Variants in SIL1 observed in about 807,000 individuals in gnomAD.
The protein encoded by SIL1 is SIL1 nucleotide exchange factor.
A neutral mutation model predicts 49.1 loss-of-function variants in SIL1; 40 were observed. The ratio of observed to expected loss-of-function variants is 0.81; its 90% confidence interval spans 0.63 to 1.06. SIL1 has a LOEUF of 1.06. Ranked by LOEUF, SIL1 falls within the 50% of genes least tolerant of loss-of-function variation. The pLI, the probability that SIL1 is intolerant of heterozygous loss-of-function variation, is 0.00. For synonymous variants in SIL1, 253 were observed against 250.8 expected (o/e 1.01, Z -0.08); for missense variants, 500 against 572.6 (o/e 0.87, Z 1.29).
chr5:139,032,133 T>C (rs1308077184), intron 5 of SIL1, among the ~76,000 whole-genome samples: 1 of 152,164 alleles, frequency 6.6e-6, no homozygotes, highest in Non-Finnish European at 1.5e-5. Flanking sequence ...GTGGTAAGAG[T>C]GAACATCCTT....
intron 7 of SIL1, among the ~76,000 whole-genome samples, chr5:138,992,990 A>G (rs1767789688): frequency 6.6e-6 from 1 of 152,242 alleles, no homozygotes; most frequent in African/African-American, 2.4e-5. Flanking sequence ...CTGAGATGGA[A>G]GCTGCTAGTG....
intron 1 of SIL1, among the ~76,000 whole-genome samples, chr5:139,181,517 C>T (rs1332286356): frequency 6.6e-6 from 1 of 152,240 alleles, no homozygotes; most frequent in Non-Finnish European, 1.5e-5. Context: ...TGCATTCCTC[C>T]ACTGGGAGTT....
intron 1 of SIL1, among the ~76,000 whole-genome samples, chr5:139,161,711 G>A (rs750203229): frequency 3.3e-5 from 5 of 151,998 alleles, no homozygotes; most frequent in Admixed American, 1.3e-4. Flanking sequence ...CACTTCCCTA[G>A]AAAAGCAAAG....
At chr5:139,096,548 T>G (rs1770470893) in intron 3 of SIL1, among the ~76,000 whole-genome samples, 1 of 151,290 alleles carries the variant, frequency 6.6e-6, no homozygotes, top group African/African-American at 2.4e-5. Context: ...AAGAGGCCCC[T>G]TCCTTCTGCT....
intron 2 of SIL1, among the ~76,000 whole-genome samples, chr5:139,123,272 G>A (rs1750685769): frequency 6.6e-6 from 1 of 152,234 alleles, no homozygotes; most frequent in Non-Finnish European, 1.5e-5. Flanking sequence ...TGAGACTACA[G>A]AGAAGACTGA....
chr5:139,030,949 T>C (rs1262612174), intron 5 of SIL1, among the ~76,000 whole-genome samples: 5 of 152,218 alleles, frequency 3.3e-5, no homozygotes, highest in Non-Finnish European at 7.4e-5. Flanking sequence ...AATCATAATT[T>C]TTCCCTTGAT....
chr5:139,056,088 G>A (rs1405057008), intron 3 of SIL1, among the ~76,000 whole-genome samples: 3 of 151,520 alleles, frequency 2.0e-5, no homozygotes, highest in Non-Finnish European at 2.9e-5. Flanking sequence ...CTGCCCGGCC[G>A]CCACCCCGTC....
intron 1 of SIL1, among the ~76,000 whole-genome samples, chr5:139,133,743 C>T (rs1011170974): frequency 6.6e-6 from 1 of 152,212 alleles, no homozygotes; most frequent in Non-Finnish European, 1.5e-5. Context: ...TTATAAAATG[C>T]TCATGTTATT....
chr5:139,109,928 T>C (rs902267402), intron 3 of SIL1, among the ~76,000 whole-genome samples: 10 of 151,802 alleles, frequency 6.6e-5, no homozygotes, highest in African/African-American at 2.4e-4. Flanking sequence ...CTCAGCACTT[T>C]GGGAGGACAA....
intron 3 of SIL1, among the ~76,000 whole-genome samples, chr5:139,055,932 C>G (rs1342641718): frequency 2.6e-5 from 4 of 152,186 alleles, no homozygotes; most frequent in African/African-American, 9.6e-5. Context: ...CTCGACCTCC[C>G]GAAGTGCCGG....
At chr5:139,133,953 G>T (rs770529754) in intron 1 of SIL1, among the ~76,000 whole-genome samples, 1 of 152,176 alleles carries the variant, frequency 6.6e-6, no homozygotes, top group Admixed American at 6.6e-5. Context: ...TCCTAGCTAT[G>T]TGATCTTGGA....
At chr5:139,128,697 C>T (rs1469088862) in intron 1 of SIL1, among the ~76,000 whole-genome samples, 2 of 151,898 alleles carry the variant, frequency 1.3e-5, no homozygotes, top group Non-Finnish European at 2.9e-5. Context: ...GAAGGACATC[C>T]CATGTTCATG....
intron 3 of SIL1, among the ~76,000 whole-genome samples, chr5:139,058,907 G>C (rs1199256475): frequency 1.3e-5 from 2 of 151,764 alleles, no homozygotes; most frequent in Admixed American, 1.3e-4. Context: ...TGCTAGGTGT[G>C]TTCATTAATA....
intron 3 of SIL1, among the ~76,000 whole-genome samples, chr5:139,088,158 T>C (rs1053851339): frequency 2.6e-5 from 4 of 152,262 alleles, no homozygotes; most frequent in African/African-American, 4.8e-5. Flanking sequence ...GACCCTCTGC[T>C]TCCTGCTGCT....
intron 7 of SIL1, among the ~76,000 whole-genome samples, chr5:138,982,203 A>G (rs1767542224): frequency 6.6e-6 from 1 of 152,240 alleles, no homozygotes; most frequent in Non-Finnish European, 1.5e-5. Flanking sequence ...AGAGTGTAAC[A>G]GAGTTGAAAT....
chr5:138,962,317 T>C (rs77382315), intron 7 of SIL1, among the ~76,000 whole-genome samples: 1 of 151,860 alleles, frequency 6.6e-6, no homozygotes, highest in African/African-American at 2.4e-5. Flanking sequence ...TTTTTTTTTT[T>C]CCTCTTCACC....
intron 1 of SIL1, 191 bp from the exon 2 acceptor site, chr5:139,128,044 A>C (rs1468615301): frequency 3.2e-6 from 2 of 618,912 alleles, no homozygotes; most frequent in Non-Finnish European, 6.1e-6. Context: ...ATCCAACAAG[A>C]GATATGCCCT....
intron 7 of SIL1, among the ~76,000 whole-genome samples, chr5:138,960,373 T>C (rs1000508201): frequency 1.3e-5 from 2 of 151,960 alleles, no homozygotes; most frequent in Non-Finnish European, 2.9e-5. Flanking sequence ...TAAATAAACA[T>C]TGATTAAGTC....
At chr5:139,160,143 TCACACACACACACACACACACACA>T (rs57028301) in intron 1 of SIL1, among the ~76,000 whole-genome samples, 9 of 137,756 alleles carry the variant, frequency 6.5e-5, no homozygotes, top group Non-Finnish European at 1.4e-4. Context: ...ATTTCCACAA[TCACACACACACACACACACACACA>T]CACACACACA....
Sources: allele counts gnomAD v4.1 joint callset (sites outside exome capture counted in the v4.1 genomes callset), GRCh38; gene constraint gnomAD v4.1.1; transcripts MANE v1.5; gene names NCBI Gene and HGNC (gene_info 2026-07-23, HGNC 2026-07-21).